STK32B: variants seen among roughly 807,000 people sequenced by gnomAD.
STK32B encodes serine/threonine-protein kinase 32B.
STK32B carries 43 observed loss-of-function variants against 52.6 expected under a neutral mutation model. That is an observed-to-expected ratio of 0.82 (90% CI 0.64 to 1.05). The LOEUF (loss-of-function observed/expected upper bound fraction) is 1.05. Ranked by LOEUF, STK32B falls within the 50% of genes least tolerant of loss-of-function variation. The pLI, the probability that STK32B is intolerant of heterozygous loss-of-function variation, is 0.00. For missense variants in STK32B, 621 were observed against 534.6 expected (o/e 1.16, Z -1.59); for synonymous variants, 238 against 204.3 (o/e 1.17, Z -1.41).
intron 2 of STK32B, among the ~76,000 whole-genome samples, chr4:5,158,578 G>C (rs998738098): frequency 1.3e-5 from 2 of 152,268 alleles, no homozygotes; most frequent in African/African-American, 4.8e-5. Flanking sequence ...AAAGTCAACA[G>C]TGTTAGTCTG....
At chr4:5,221,824 C>G (rs1723554664) in intron 3 of STK32B, among the ~76,000 whole-genome samples, 1 of 135,506 alleles carries the variant, frequency 7.4e-6, no homozygotes, top group African/African-American at 2.9e-5. Context: ...CCACTGCATT[C>G]CAGCCTGGAG....
intron 3 of STK32B, among the ~76,000 whole-genome samples, chr4:5,211,042 A>T (rs1722875782): frequency 6.6e-6 from 1 of 151,892 alleles, no homozygotes; most frequent in Non-Finnish European, 1.5e-5. Flanking sequence ...TGATCCTCCC[A>T]CTTTAGCCTC....
chr4:5,485,416 C>T (rs112424160), intron 11 of STK32B, among the ~76,000 whole-genome samples: 10 of 152,232 alleles, frequency 6.6e-5, no homozygotes, highest in East Asian at 1.9e-4. Flanking sequence ...ATGTAGTTCT[C>T]GTGCCATGGT....
At chr4:5,382,933 AGG>A (rs759172748) in intron 4 of STK32B, among the ~76,000 whole-genome samples, 89 of 152,322 alleles carry the variant, frequency 5.8e-4, no homozygotes, top group Non-Finnish European at 1.1e-3. Flanking sequence ...GTCAACAGCC[AGG>A]GCTCTCTGAC....
intron 11 of STK32B, among the ~76,000 whole-genome samples, chr4:5,478,750 C>T (rs2109192438): frequency 6.6e-6 from 1 of 152,256 alleles, no homozygotes; most frequent in African/African-American, 2.4e-5. Context: ...GTGTTACTCC[C>T]CGGAGGCTGG....
chr4:5,261,212 T>G (rs906859574), intron 3 of STK32B, among the ~76,000 whole-genome samples: 1 of 152,142 alleles, frequency 6.6e-6, no homozygotes, highest in Non-Finnish European at 1.5e-5. Context: ...TGGCTGCTCA[T>G]TAAGGCTTCG....
intron 3 of STK32B, among the ~76,000 whole-genome samples, chr4:5,283,970 A>G (rs1393371817): frequency 2.0e-5 from 3 of 152,186 alleles, no homozygotes; most frequent in Non-Finnish European, 4.4e-5. Flanking sequence ...TAATTGTACC[A>G]TAAAGGTGGT....
intron 11 of STK32B, 152 bp downstream of exon 11, chr4:5,468,222 G>A: frequency 1.4e-6 from 1 of 733,122 alleles, no homozygotes; most frequent in Non-Finnish European, 2.3e-6. Context: ...GGTGGGGGGT[G>A]AAACTCCTGG....
chr4:5,203,018 A>T (rs1722276851), intron 3 of STK32B, among the ~76,000 whole-genome samples: 1 of 152,232 alleles, frequency 6.6e-6, no homozygotes, highest in Non-Finnish European at 1.5e-5. Context: ...ATGTTGCCAG[A>T]TGGGAAACCT....
intron 3 of STK32B, among the ~76,000 whole-genome samples, chr4:5,301,904 G>A (rs1237105382): frequency 1.3e-5 from 2 of 150,824 alleles, no homozygotes; most frequent in Admixed American, 1.3e-4. Flanking sequence ...TTTAATTGTA[G>A]TGTTTAGTCC....
chr4:5,296,831 A>C (rs1018734109), intron 3 of STK32B, among the ~76,000 whole-genome samples: 1 of 152,172 alleles, frequency 6.6e-6, no homozygotes, highest in African/African-American at 2.4e-5. Context: ...TATTTTGCAC[A>C]TTAGTTGATT....
chr4:5,155,957 A>G (rs974713987), intron 2 of STK32B, among the ~76,000 whole-genome samples: 2 of 152,128 alleles, frequency 1.3e-5, no homozygotes, highest in Non-Finnish European at 2.9e-5. Flanking sequence ...ATACATATAC[A>G]TAGATATGCA....
At chr4:5,388,150 G>A (rs191044719) in intron 4 of STK32B, among the ~76,000 whole-genome samples, 32 of 152,330 alleles carry the variant, frequency 2.1e-4, no homozygotes, top group African/African-American at 7.2e-4. Flanking sequence ...TCTAGGGCTG[G>A]CAGGTGGATT....
intron 1 of STK32B, among the ~76,000 whole-genome samples, chr4:5,056,174 A>C (rs913785125): frequency 6.6e-6 from 1 of 152,120 alleles, no homozygotes; most frequent in Non-Finnish European, 1.5e-5. Flanking sequence ...TGCACTCCTT[A>C]TGAGAATCTA....
chr4:5,406,965 T>A lies in STK32B; in HGVS notation c.472+8721T>A, dbSNP rs148176247. Among the ~76,000 whole-genome samples, 154 of 152,308 alleles carry A rather than the reference T, an allele frequency of 1.0e-3. 1 individual carries two copies. In the East Asian group the frequency reaches 0.025, roughly 25 times the overall value. On this transcript the variant is annotated intron_variant, in intron 5 of 11. Coordinates refer to ENST00000282908, the MANE Select transcript of STK32B (RefSeq NM_018401.3). ...AAATGGGTTTTTCTTTTCTACCACA[T>A]GGCCAGGCTGCATTTTCCAAACTTT...
At chr4:5,365,850 G>C (rs183960523) in intron 4 of STK32B, among the ~76,000 whole-genome samples, 1 of 152,302 alleles carries the variant, frequency 6.6e-6, no homozygotes, top group African/African-American at 2.4e-5. Context: ...ATGTCACAAA[G>C]GTATGCTGTT....
intron 3 of STK32B, among the ~76,000 whole-genome samples, chr4:5,323,755 T>C (rs28640211): frequency 0.18 from 27,090 of 152,108 alleles, 2,943 homozygotes; most frequent in African/African-American, 0.29. Context: ...GGCTATGTGC[T>C]AAATGCAGGG....
rs540243129 is a variant in STK32B at position 5,167,157 on chromosome 4, C to A, written c.109-1142C>A. ...AGCTTGCCCCCTGGTTTTGATCCTGCGGAGAGCCTTCTCTGACAGCTCCCA... is the reference window on the plus strand; with the variant it reads ...AGCTTGCCCCCTGGTTTTGATCCTGAGGAGAGCCTTCTCTGACAGCTCCCA... On this transcript the variant is annotated intron_variant, in intron 2 of 11. Transcript: ENST00000282908. Among the ~76,000 whole-genome samples the A allele has an allele frequency of 2.0e-4, 30 of 152,232 alleles. 1 individual carries two copies. In the East Asian group the frequency reaches 5.8e-3, roughly 29 times the overall value.
At chr4:5,212,768 C>T (rs62298542) in intron 3 of STK32B, among the ~76,000 whole-genome samples, 13,457 of 152,152 alleles carry the variant, frequency 0.088, 1,072 homozygotes, top group African/African-American at 0.18. Context: ...CATATTTGCA[C>T]GAGGTTGGGG....
Sources: allele counts gnomAD v4.1 joint callset (sites outside exome capture counted in the v4.1 genomes callset), GRCh38; gene constraint gnomAD v4.1.1; transcripts MANE v1.5; gene names NCBI Gene and HGNC (gene_info 2026-07-23, HGNC 2026-07-21).